The following RFX8 variants were observed in gnomAD, a reference collection of about 807,000 sequenced individuals.
The protein encoded by RFX8 is DNA-binding protein RFX8.
Under a neutral mutation model 54.6 loss-of-function variants are expected in RFX8, and 46 were observed. That is an observed-to-expected ratio of 0.84 (90% CI 0.67 to 1.08). RFX8 has a LOEUF of 1.08. Among genes scored for constraint, RFX8 ranks in the 50% least tolerant of loss-of-function variants. The pLI is 0.00. For missense variants in RFX8, 536 were observed against 562.3 expected (o/e 0.95, Z 0.47); for synonymous variants, 192 against 209.5 (o/e 0.92, Z 0.72).
intron 1 of RFX8, among the ~76,000 whole-genome samples, chr2:101,473,910 G>C (rs1350788899): frequency 6.6e-6 from 1 of 152,182 alleles, no homozygotes; most frequent in Non-Finnish European, 1.5e-5. Flanking sequence ...TCCAACCAAC[G>C]GGTCCCCGCG....
intron 2 of RFX8, among the ~76,000 whole-genome samples, chr2:101,451,849 T>C (rs1445054546): frequency 1.3e-5 from 2 of 152,194 alleles, no homozygotes; most frequent in Non-Finnish European, 2.9e-5. Context: ...ATCCCAGTGC[T>C]TTGGGAGGCC....
At chr2:101,454,371 C>A (rs1688855300) in intron 2 of RFX8, among the ~76,000 whole-genome samples, 1 of 152,092 alleles carries the variant, frequency 6.6e-6, no homozygotes, top group African/African-American at 2.4e-5. Flanking sequence ...GTGCATGTGT[C>A]TTTATAGTAG....
At chr2:101,436,737 T>G (rs1019057067) in intron 2 of RFX8, among the ~76,000 whole-genome samples, 1 of 152,208 alleles carries the variant, frequency 6.6e-6, no homozygotes, top group African/African-American at 2.4e-5. Flanking sequence ...GAACGCACCC[T>G]GAGCACACAC....
chr2:101,412,535 T>A (rs1435522337), intron 8 of RFX8, among the ~76,000 whole-genome samples: 1 of 152,150 alleles, frequency 6.6e-6, no homozygotes, highest in Non-Finnish European at 1.5e-5. Context: ...CAAGGCAGTT[T>A]AGCATGATTG....
At chr2:101,402,813 T>C in intron 10 of RFX8, 61 bp from the exon 11 acceptor site, 1 of 1,433,376 alleles carries the variant, frequency 7.0e-7, no homozygotes, top group South Asian at 1.4e-5. Flanking sequence ...AACAAATCAT[T>C]GTGAAACTAA....
intron 2 of RFX8, chr2:101,452,382 T>C: frequency 7.0e-7 from 1 of 1,425,710 alleles, no homozygotes; most frequent in Non-Finnish European, 9.2e-7. Flanking sequence ...ATTCTAAACC[T>C]ACCTGGCACT....
At chr2:101,443,525 C>T (rs1265909993) in intron 2 of RFX8, among the ~76,000 whole-genome samples, 2 of 151,048 alleles carry the variant, frequency 1.3e-5, no homozygotes, top group African/African-American at 4.9e-5. Flanking sequence ...TGTAGATTCA[C>T]CTTCCTTTCC....
intron 4 of RFX8, among the ~76,000 whole-genome samples, chr2:101,420,056 C>T (rs936838331): frequency 6.6e-6 from 1 of 152,196 alleles, no homozygotes; most frequent in Non-Finnish European, 1.5e-5. Flanking sequence ...GCCCCAGAAC[C>T]CACCCTTGTC....
intron 6 of RFX8, 126 bp from the exon 7 acceptor site, chr2:101,415,038 C>T: frequency 3.0e-6 from 2 of 668,432 alleles, no homozygotes; most frequent in Non-Finnish European, 5.3e-6. Flanking sequence ...TTCCCCCACC[C>T]CCGTGTCTGC....
At chr2:101,428,827 TG>T in intron 2 of RFX8, 1 of 635,606 alleles carries the variant, frequency 1.6e-6, no homozygotes, top group Non-Finnish European at 2.8e-6. Context: ...CATGGTCAGA[TG>T]GGTGAATGGT....
intron 2 of RFX8, among the ~76,000 whole-genome samples, chr2:101,453,111 AAAAC>A (rs201610027): frequency 0.029 from 2,715 of 93,204 alleles, 98 homozygotes; most frequent in African/African-American, 0.12. Context: ...ACTCCATCTC[AAAAC>A]AAACAAACAA....
chr2:101,411,671 G>T (rs1176421243), intron 8 of RFX8, among the ~76,000 whole-genome samples: 2 of 152,126 alleles, frequency 1.3e-5, no homozygotes, highest in African/African-American at 4.8e-5. Context: ...AAGCCTGCCA[G>T]ATTAGGTGTT....
chr2:101,407,411 G>C (rs558749987), intron 9 of RFX8, among the ~76,000 whole-genome samples: 6 of 152,350 alleles, frequency 3.9e-5, no homozygotes, highest in African/African-American at 1.4e-4. Context: ...CAGGGATCCT[G>C]CTGGGCACGG....
intron 1 of RFX8, among the ~76,000 whole-genome samples, chr2:101,471,105 G>A (rs995454120): frequency 2.0e-5 from 3 of 151,694 alleles, no homozygotes; most frequent in Non-Finnish European, 4.4e-5. Flanking sequence ...AGGCTGAGAT[G>A]GGCAGATCAC....
intron 2 of RFX8, among the ~76,000 whole-genome samples, chr2:101,428,392 G>A (rs1239174884): frequency 6.6e-6 from 1 of 152,212 alleles, no homozygotes; most frequent in Non-Finnish European, 1.5e-5. Context: ...GACACGATGA[G>A]GAGTCGTCTG....
intron 4 of RFX8, 182 bp downstream of exon 4, chr2:101,421,542 T>C (rs1233835746): frequency 7.6e-7 from 1 of 1,313,938 alleles, no homozygotes; most frequent in African/African-American, 1.5e-5. Context: ...TGAATATCGA[T>C]CTCACCTTCC....
intron 2 of RFX8, among the ~76,000 whole-genome samples, chr2:101,432,949 C>T (rs1030490393): frequency 6.6e-6 from 1 of 152,200 alleles, no homozygotes; most frequent in African/African-American, 2.4e-5. Flanking sequence ...GAGCTGCCCC[C>T]TTTAGTGACT....
intron 2 of RFX8, among the ~76,000 whole-genome samples, chr2:101,424,056 T>C (rs1010284723): frequency 2.6e-5 from 4 of 152,192 alleles, no homozygotes; most frequent in African/African-American, 7.2e-5. Flanking sequence ...ACGTTAAAAC[T>C]TCCCCCGTTA....
chr2:101,458,225 T>C (rs145221507), intron 2 of RFX8, among the ~76,000 whole-genome samples: 2 of 152,210 alleles, frequency 1.3e-5, no homozygotes, highest in African/African-American at 4.8e-5. Context: ...AGGTTAATAT[T>C]GTTATGTGTG....
Sources: gnomAD v4.1 joint callset for allele counts (sites outside exome capture counted in the v4.1 genomes callset) on GRCh38, gnomAD v4.1.1 for gene constraint, MANE v1.5 for transcripts, NCBI Gene and HGNC (gene_info 2026-07-23, HGNC 2026-07-21) for gene names.